STIP1: variants seen among roughly 807,000 people sequenced by gnomAD.
STIP1 encodes the protein stress-induced-phosphoprotein 1.
Under a neutral mutation model 77.4 loss-of-function variants are expected in STIP1, and 16 were observed. The observed-to-expected ratio is 0.21, with a 90% CI of 0.14 to 0.31. The LOEUF is 0.31. Ranked by LOEUF, STIP1 falls within the 10% of genes least tolerant of loss-of-function variation. STIP1 has a pLI of 1.00. For synonymous variants in STIP1, 258 were observed against 246.6 expected (o/e 1.05, Z -0.44); for missense variants, 524 against 684.8 (o/e 0.77, Z 2.62).
chr11:64,193,625 A>G (rs1946116180), intron 2 of STIP1, among the ~76,000 whole-genome samples: 2 of 152,146 alleles, frequency 1.3e-5, no homozygotes, highest in African/African-American at 4.8e-5. Flanking sequence ...CTGTACTAAA[A>G]ATGCAAAAAA....
chr11:64,192,999 T>C, intron 1 of STIP1, 79 bp from the exon 2 acceptor site: 1 of 1,365,936 alleles, frequency 7.3e-7, no homozygotes, highest in Non-Finnish European at 1.0e-6. Context: ...GGTAACTACA[T>C]GAAAGAATGA....
intron 1 of STIP1, among the ~76,000 whole-genome samples, chr11:64,190,039 C>T (rs1285467677): frequency 6.6e-6 from 1 of 150,518 alleles, no homozygotes; most frequent in Non-Finnish European, 1.5e-5. Flanking sequence ...CTCACTCTGT[C>T]CTCCAGGTGA....
At chr11:64,197,821 C>T (rs1946167717) in intron 7 of STIP1, 33 bp from the exon 8 acceptor site, 3 of 1,608,776 alleles carry the variant, frequency 1.9e-6, no homozygotes, top group African/African-American at 1.3e-5. Context: ...ATCTCTCTGT[C>T]CTAAGCAGTC....
intron 7 of STIP1, 32 bp from the exon 8 acceptor site, chr11:64,197,822 C>A: frequency 6.2e-7 from 1 of 1,608,710 alleles, no homozygotes; most frequent in South Asian, 1.1e-5. Flanking sequence ...TCTCTCTGTC[C>A]TAAGCAGTCC....
chr11:64,193,108 G>A lies in STIP1; in HGVS notation c.40G>A (p.Ala14Thr), dbSNP rs1453593711. 6.2e-7 allele frequency: 1 copy of A among 1,614,058 alleles called. No homozygotes were observed. Among genetic ancestry groups the A allele is most frequent in the Non-Finnish European group, 8.5e-7 (1 of 1,180,056 alleles). ...TGAGCTGAAGGAGAAAGGCAACAAG[G>A]CCCTGAGCGTGGGTAACATCGATGA... is the stretch of plus-strand genomic sequence containing the variant. ...VNELKEKGNK[A>T]LSVGNIDDAL... The change falls in exon 2 of 14, where the codon GCC (alanine) becomes ACC (threonine). Residue 14 changes from alanine (A) to threonine (T), a missense_variant. Transcript: ENST00000305218.
At chr11:64,200,541 GTGTA>G (rs951974334) in intron 10 of STIP1, among the ~76,000 whole-genome samples, 10 of 151,770 alleles carry the variant, frequency 6.6e-5, no homozygotes, top group African/African-American at 2.4e-4. Context: ...GGGTGTGTGT[GTGTA>G]TGTGTGTGTG....
intron 4 of STIP1, among the ~76,000 whole-genome samples, chr11:64,195,217 G>A (rs1946135794): frequency 6.6e-6 from 1 of 152,064 alleles, no homozygotes; most frequent in South Asian, 2.1e-4. Context: ...GGGTTCAAGC[G>A]ATTCTCCTGC....
At position 64,199,951 on chromosome 11, in the gene STIP1, C is replaced by T. The variant is rs1055047719; in HGVS notation, c.1035C>T (p.Ile345=). ...ATTATGTTTTGTAGGCAGAGAAAAT[C>T]CTGAAGGAGCAAGAGCGGCTGGCCT... ...VLKKCQQAEK[I]LKEQERLAYI... Residue 345 remains isoleucine (I), a synonymous_variant, in exon 9 of 14, where the codon ATC becomes ATT. Coordinates refer to ENST00000305218, the MANE Select transcript of STIP1 (RefSeq NM_006819.3). 6 of 1,613,958 alleles carry T rather than the reference C, an allele frequency of 3.7e-6. No individual in the cohort carries two copies. Among genetic ancestry groups the T allele is most frequent in the African/African-American group, 1.3e-5 (1 of 74,894 alleles).
At chr11:64,185,872 C>G (rs1456768351), upstream of STIP1, 4 of 1,536,182 alleles carry the variant, frequency 2.6e-6, no homozygotes, top group African/African-American at 1.4e-5. Flanking sequence ...CCAGAACGAT[C>G]AGAACCAATG....
intron 10 of STIP1, 21 bp from the exon 11 acceptor site, chr11:64,202,855 C>A (rs771957629): frequency 1.1e-5 from 18 of 1,614,150 alleles, no homozygotes; most frequent in Middle Eastern, 1.6e-4. Flanking sequence ...AGCCTAATTT[C>A]TTTCTGTTGC....
At chr11:64,199,837 A>G (rs999114068) in intron 8 of STIP1, 103 bp from the exon 9 acceptor site, 13 of 1,355,992 alleles carry the variant, frequency 9.6e-6, no homozygotes, top group African/African-American at 1.5e-5. Flanking sequence ...TGCTGGGATC[A>G]CAGGCGTGAG....
intron 10 of STIP1, among the ~76,000 whole-genome samples, chr11:64,202,159 T>C (rs1189064658): frequency 6.6e-6 from 1 of 152,224 alleles, no homozygotes; most frequent in Non-Finnish European, 1.5e-5. Context: ...CTGCCGTCTG[T>C]CCATCCATAC....
At chr11:64,201,035 T>TAA (rs1565283368) in intron 10 of STIP1, among the ~76,000 whole-genome samples, 207 of 138,012 alleles carry the variant, frequency 1.5e-3, no homozygotes, top group African/African-American at 6.2e-3. Context: ...CCCCCTTTTT[T>TAA]TAAAAAAAAA....
rs200011168 is a variant in STIP1 at position 64,193,152 on chromosome 11, C to A, written c.84C>A (p.Ser28=). 1.9e-6 allele frequency: 3 copies of A among 1,614,162 alleles called. No individual in the cohort carries two copies. The highest frequency in any genetic ancestry group is 2.5e-6 in the Non-Finnish European group (3 of 1,180,036). The change falls in exon 2 of 14, where the codon TCC becomes TCA. Residue 28 remains serine, a synonymous_variant. Transcript: ENST00000305218. The stretch of plus-strand genomic sequence containing the variant: ...TCGATGATGCCTTACAGTGCTACTC[C>A]GAAGCTATTAAGCTGGATCCCCACA... ...GNIDDALQCY[S]EAIKLDPHNH...
At chr11:64,195,971 G>A in intron 5 of STIP1, 158 bp downstream of exon 5, 2 of 998,670 alleles carry the variant, frequency 2.0e-6, no homozygotes, top group Non-Finnish European at 2.9e-6. Flanking sequence ...TGAACTTCTG[G>A]CCTCAAGCGA....
At chr11:64,186,110 TC>T, upstream of STIP1, 1 of 1,550,406 alleles carries the variant, frequency 6.4e-7, no homozygotes, top group Non-Finnish European at 8.7e-7. Flanking sequence ...GCACAGACAT[TC>T]CCCCTAGAAG....
chr11:64,203,598 A>T lies in STIP1; in HGVS notation c.1535A>T (p.Gln512Leu). 6.2e-7 allele frequency: 1 copy of T among 1,614,212 alleles called. No homozygotes were observed. The highest frequency in any genetic ancestry group is 1.1e-5 in the South Asian group (1 of 91,090). The change falls in exon 13 of 14, where the codon CAG becomes CTG. Residue 512 changes from glutamine (Q) to leucine (L), a missense_variant. Physicochemically the swap from Gln to Leu is moderately radical, Grantham distance 113. Transcript: ENST00000305218. ...PAMRLILEQM[Q>L]KDPQALSEHL... ...ATGCGCCTTATCCTGGAACAGATGC[A>T]GAAGGACCCCCAGGCACTCAGCGAG...
At chr11:64,185,686 A>T, upstream of STIP1, 1 of 1,211,012 alleles carries the variant, frequency 8.3e-7, no homozygotes, top group Non-Finnish European at 1.1e-6. Context: ...ACAGACCCCG[A>T]CTGCAGCCGG....
rs1301574176 is a variant in STIP1 at position 64,197,279 on chromosome 11, A to G, written c.681A>G (p.Lys227=). 2 of 1,614,106 alleles carry G rather than the reference A, an allele frequency of 1.2e-6. No homozygotes were observed. ...TTCTAAACCTCATCTAGGCACTGAA[A>G]GAAAAAGAGCTGGGGAACGATGCCT... is the stretch of plus-strand genomic sequence containing the variant. The part of the protein sequence containing the change: ...DLPENKKQAL[K]EKELGNDAYK... Residue 227 remains lysine (K), a synonymous_variant, in exon 6 of 14, where the codon AAA becomes AAG. Transcript: ENST00000305218.
Sources: gnomAD v4.1 joint callset for allele counts (sites outside exome capture counted in the v4.1 genomes callset) on GRCh38, gnomAD v4.1.1 for gene constraint, MANE v1.5 for transcripts, NCBI Gene and HGNC (gene_info 2026-07-23, HGNC 2026-07-21) for gene names.